Variants in SMIM20 observed in about 807,000 individuals in gnomAD.
SMIM20 encodes the protein mitochondrial translation regulation assembly intermediate of cytochrome c oxidase protein of 7 kDa.
In SMIM20, 3 loss-of-function variants were observed where a neutral mutation model predicts 8.7. That is an observed-to-expected ratio of 0.34 (90% confidence interval 0.16 to 0.89). The LOEUF (loss-of-function observed/expected upper bound fraction) is 0.89, where lower values mean the gene tolerates loss of function less well. Among genes scored for constraint, SMIM20 ranks in the 40% least tolerant of loss-of-function variants. The probability of loss-of-function intolerance (pLI) is 0.49; values close to 1 mark genes in which losing one functional copy is unlikely to be tolerated. For missense variants in SMIM20, 85 were observed against 84.8 expected, an observed-to-expected ratio of 1.00 and a Z score of -0.01; for synonymous variants, 44 against 33.6, an observed-to-expected ratio of 1.31 and a Z score of -1.07.
rs1040587302 is a variant in SMIM20, at chr4:25,928,590, G to C, written c.166+221G>C. ...AGAATACTTTTTGCACGTTTGCCAG[G>C]TTCCTCTTTTCCATTTTATAAGTGG... On this transcript the variant is annotated intron_variant, in intron 2 of 2. Coordinates refer to ENST00000506197, the MANE Select transcript of SMIM20 (RefSeq NM_001145432.3). Among the ~76,000 whole-genome samples, 5 of 152,182 alleles carry C rather than the reference G, an allele frequency of 3.3e-5. No individual in the cohort carries two copies. The East Asian group carries it at 9.6e-4, about 29-fold the overall frequency.
chr4:25,925,119 T>C (rs1434329246), intron 1 of SMIM20, among the ~76,000 whole-genome samples: 1 of 152,208 alleles, frequency 6.6e-6, no homozygotes, highest in African/African-American at 2.4e-5. Context: ...CCAAACCAAT[T>C]CTGTTCTCAA....
intron 1 of SMIM20, among the ~76,000 whole-genome samples, chr4:25,924,781 A>T (rs919175242): frequency 1.3e-5 from 2 of 152,224 alleles, no homozygotes; most frequent in Non-Finnish European, 2.9e-5. Flanking sequence ...ATGTAATCAC[A>T]ATGCGGTTTT....
intron 2 of SMIM20, among the ~76,000 whole-genome samples, chr4:25,928,768 C>A (rs1238479128): frequency 6.6e-6 from 1 of 152,260 alleles, no homozygotes; most frequent in African/African-American, 2.4e-5. Context: ...CTGCTTTGCA[C>A]AAGGGCTAAA....
intron 1 of SMIM20, among the ~76,000 whole-genome samples, chr4:25,925,026 A>C (rs1367356255): frequency 6.6e-6 from 1 of 152,222 alleles, no homozygotes; most frequent in Non-Finnish European, 1.5e-5. Flanking sequence ...AAATGAATTT[A>C]ATGTTTAGAC....
At chr4:25,927,923 A>G (rs1413878843) in intron 1 of SMIM20, among the ~76,000 whole-genome samples, 1 of 152,224 alleles carries the variant, frequency 6.6e-6, no homozygotes, top group Non-Finnish European at 1.5e-5. Flanking sequence ...AGACATATAA[A>G]CTACATCGTT....
intron 1 of SMIM20, among the ~76,000 whole-genome samples, chr4:25,926,879 G>C (rs1373617938): frequency 6.6e-6 from 1 of 152,242 alleles, no homozygotes; most frequent in African/African-American, 2.4e-5. Context: ...TGCCAAGACT[G>C]ATGACTGTGG....
intron 1 of SMIM20, among the ~76,000 whole-genome samples, chr4:25,920,243 G>A (rs946487311): frequency 6.6e-5 from 10 of 152,070 alleles, no homozygotes; most frequent in South Asian, 2.1e-4. Flanking sequence ...ATTTTGGCCC[G>A]CGATAGACCA....
At chr4:25,915,498 T>G (rs1336655077) in intron 1 of SMIM20, among the ~76,000 whole-genome samples, 1 of 152,216 alleles carries the variant, frequency 6.6e-6, no homozygotes, top group African/African-American at 2.4e-5. Flanking sequence ...AGCAGTCGAT[T>G]TCTGGAGGCA....
chr4:25,916,004 C>G (rs902323053), intron 1 of SMIM20, among the ~76,000 whole-genome samples: 5 of 152,056 alleles, frequency 3.3e-5, no homozygotes, highest in African/African-American at 4.8e-5. Context: ...TTGAGAAACC[C>G]TGCTTGAGAT....
Sources: allele counts gnomAD v4.1 joint callset (sites outside exome capture counted in the v4.1 genomes callset), GRCh38; gene constraint gnomAD v4.1.1; transcripts MANE v1.5; gene names NCBI Gene and HGNC (gene_info 2026-07-23, HGNC 2026-07-21).